The following CDC14B variants were observed in gnomAD, a reference collection of about 807,000 sequenced individuals.
The protein encoded by CDC14B is cell division cycle 14B, also known as dual specificity protein phosphatase CDC14B.
Under a neutral mutation model 64.2 loss-of-function variants are expected in CDC14B, and 22 were observed. That is an observed-to-expected ratio of 0.34 (90% CI 0.24 to 0.49). The LOEUF is 0.49. Ranked by LOEUF, CDC14B falls within the 20% of genes least tolerant of loss-of-function variation. CDC14B has a pLI of 0.99. For synonymous variants in CDC14B, 191 were observed against 215.8 expected, an observed-to-expected ratio of 0.89 and a Z score of 1.01; for missense variants, 498 against 629.9, an observed-to-expected ratio of 0.79 and a Z score of 2.24.
intron 12 of CDC14B, among the ~76,000 whole-genome samples, chr9:96,521,139 G>A (rs965078166): frequency 6.6e-6 from 1 of 152,054 alleles, no homozygotes; most frequent in Admixed American, 6.6e-5. Flanking sequence ...GCACGATCTC[G>A]GCTCAATGCA....
At chr9:96,495,292 C>G (rs373437455), downstream of CDC14B, among the ~76,000 whole-genome samples, 16 of 150,390 alleles carry the variant, frequency 1.1e-4, no homozygotes, top group African/African-American at 4.0e-4. Flanking sequence ...TGTTCTCAGA[C>G]ACTGAGGCAG....
downstream of CDC14B, among the ~76,000 whole-genome samples, chr9:96,497,042 C>T (rs16910983): frequency 2.0e-4 from 31 of 152,350 alleles, no homozygotes; most frequent in East Asian, 6.0e-3. Flanking sequence ...TCGTTTAACA[C>T]AGAGAAACAC....
chr9:96,608,239 C>A (rs1045485971), intron 1 of CDC14B, among the ~76,000 whole-genome samples: 1 of 152,060 alleles, frequency 6.6e-6, no homozygotes, highest in Non-Finnish European at 1.5e-5. Context: ...TGCTGTATGC[C>A]CTTTCAGTTA....
intron 9 of CDC14B, among the ~76,000 whole-genome samples, chr9:96,524,656 G>A (rs1354416067): frequency 6.6e-6 from 1 of 152,038 alleles, no homozygotes; most frequent in Non-Finnish European, 1.5e-5. Flanking sequence ...CCATAATGTG[G>A]ATGGGCCCCA....
At chr9:96,608,809 G>C (rs1303176603) in intron 1 of CDC14B, among the ~76,000 whole-genome samples, 1 of 151,204 alleles carries the variant, frequency 6.6e-6, no homozygotes, top group Admixed American at 6.6e-5. Flanking sequence ...TAGGGTTTTC[G>C]GTGAATTATT....
chr9:96,576,891 G>C (rs1289289438), intron 1 of CDC14B, among the ~76,000 whole-genome samples: 8 of 152,250 alleles, frequency 5.3e-5, no homozygotes. Flanking sequence ...GTCACAAGGA[G>C]ATCTCAACAA....
At chr9:96,521,612 C>A (rs1167990881) in intron 12 of CDC14B, among the ~76,000 whole-genome samples, 1 of 152,122 alleles carries the variant, frequency 6.6e-6, no homozygotes. Flanking sequence ...TATGACGAGA[C>A]ACTAGTGAGG....
At chr9:96,523,499 G>C in intron 10 of CDC14B, 79 bp from the exon 11 acceptor site, 1 of 1,602,136 alleles carries the variant, frequency 6.2e-7, no homozygotes, top group Non-Finnish European at 8.5e-7. Flanking sequence ...ATTATCTGTT[G>C]TTGTTGGAAA....
At chr9:96,562,532 A>G (rs1843348813) in intron 4 of CDC14B, 161 bp downstream of exon 4, 1 of 621,268 alleles carries the variant, frequency 1.6e-6, no homozygotes, top group Non-Finnish European at 2.9e-6. Flanking sequence ...CTACTTCCAC[A>G]TAAGCACAGC....
chr9:96,538,189 T>G (rs1220853918), intron 7 of CDC14B, among the ~76,000 whole-genome samples: 1 of 152,188 alleles, frequency 6.6e-6, no homozygotes, highest in African/African-American at 2.4e-5. Flanking sequence ...TTTAAAAGCA[T>G]CTCAATCACT....
chr9:96,579,220 A>C (rs963783675), intron 1 of CDC14B, among the ~76,000 whole-genome samples: 1 of 152,176 alleles, frequency 6.6e-6, no homozygotes, highest in Non-Finnish European at 1.5e-5. Flanking sequence ...CAACGTGACT[A>C]CAGGGAATAG....
exon 14 of CDC14B, chr9:96,491,450 C>T (rs1383096273): frequency 6.6e-6 from 1 of 152,192 alleles, no homozygotes; most frequent in Admixed American, 6.5e-5. Flanking sequence ...AGGATGTTTG[C>T]TTTGGGTGAT....
intron 3 of CDC14B, among the ~76,000 whole-genome samples, chr9:96,563,598 C>G (rs932487045): frequency 6.7e-6 from 1 of 149,888 alleles, no homozygotes; most frequent in East Asian, 2.0e-4. Context: ...TATAGTGAGC[C>G]CAGATTGCTC....
intron 1 of CDC14B, among the ~76,000 whole-genome samples, chr9:96,594,016 C>G (rs1026884385): frequency 1.3e-5 from 2 of 152,122 alleles, no homozygotes; most frequent in Non-Finnish European, 2.9e-5. Flanking sequence ...ATTTCCAATA[C>G]TAGACAAGAT....
chr9:96,495,884 G>A (rs1833218206), downstream of CDC14B, among the ~76,000 whole-genome samples: 1 of 152,136 alleles, frequency 6.6e-6, no homozygotes, highest in South Asian at 2.1e-4. Context: ...CCTTCCACAC[G>A]GCATCTGTAC....
chr9:96,594,054 C>A (rs1845926180), intron 1 of CDC14B, among the ~76,000 whole-genome samples: 1 of 152,164 alleles, frequency 6.6e-6, no homozygotes, highest in South Asian at 2.1e-4. Flanking sequence ...ATTTACTATT[C>A]CTCTGGAAAA....
intron 12 of CDC14B, chr9:96,514,554 A>G: frequency 6.1e-6 from 6 of 985,470 alleles, no homozygotes; most frequent in South Asian, 4.7e-5. Flanking sequence ...AATCTTTCTC[A>G]GCTATGTGAA....
chr9:96,588,063 A>T (rs970753622), intron 1 of CDC14B, among the ~76,000 whole-genome samples: 1 of 152,136 alleles, frequency 6.6e-6, no homozygotes, highest in Non-Finnish European at 1.5e-5. Flanking sequence ...CACATCATAG[A>T]AAGTTTCAAT....
At chr9:96,607,553 T>C (rs1389684022) in intron 1 of CDC14B, among the ~76,000 whole-genome samples, 1 of 151,830 alleles carries the variant, frequency 6.6e-6, no homozygotes, top group Non-Finnish European at 1.5e-5. Flanking sequence ...CCTGAGTAGC[T>C]GGGACTACAG....
Sources: gnomAD v4.1 joint callset for allele counts (sites outside exome capture counted in the v4.1 genomes callset) on GRCh38, gnomAD v4.1.1 for gene constraint, MANE v1.5 for transcripts, NCBI Gene and HGNC (gene_info 2026-07-23, HGNC 2026-07-21) for gene names.